ZNF157: variants seen among roughly 807,000 people sequenced by gnomAD.
ZNF157 encodes the protein zinc finger protein 22.
A neutral mutation model predicts 9.4 loss-of-function variants in ZNF157; 8 were observed. The observed-to-expected ratio is 0.85, with a 90% CI of 0.50 to 1.53. The LOEUF is 1.53. Among genes scored for constraint, ZNF157 ranks in the 40% most tolerant of loss-of-function variants. The pLI, the probability that ZNF157 is intolerant of heterozygous loss-of-function variation, is 0.00. For missense variants in ZNF157, 316 were observed against 385.2 expected, an observed-to-expected ratio of 0.82 and a Z score of 1.50; for synonymous variants, 120 against 130.8, an observed-to-expected ratio of 0.92 and a Z score of 0.56.
intron 1 of ZNF157, among the ~76,000 whole-genome samples, chrX:47,379,118 T>A (rs1378739875): frequency 9.0e-6 from 1 of 110,870 alleles, no homozygotes; most frequent in East Asian, 2.8e-4. Context: ...GTACTGTTTT[T>A]TTTTTCTTTC....
chrX:47,374,293 G>C (rs1233350921), intron 1 of ZNF157, among the ~76,000 whole-genome samples: 1 of 110,995 alleles, frequency 9.0e-6, no homozygotes, highest in African/African-American at 3.3e-5. Flanking sequence ...TCTAGTAGGA[G>C]AAACTGTGTT....
intron 1 of ZNF157, among the ~76,000 whole-genome samples, chrX:47,388,498 G>A (rs1201237896): frequency 1.8e-5 from 2 of 108,396 alleles, no homozygotes; most frequent in Admixed American, 2.0e-4. Flanking sequence ...TTTTATTTTT[G>A]TAGAGACAGA....
chrX:47,398,374 G>T (rs2055920080), intron 1 of ZNF157, among the ~76,000 whole-genome samples: 1 of 111,956 alleles, frequency 8.9e-6, no homozygotes, highest in South Asian at 3.7e-4. Context: ...CACTCCTTTT[G>T]CTGTGAAATA....
intron 1 of ZNF157, among the ~76,000 whole-genome samples, chrX:47,379,460 A>G (rs1289080593): frequency 9.8e-6 from 1 of 101,650 alleles, no homozygotes; most frequent in East Asian, 3.1e-4. Context: ...AGCCTTTGTC[A>G]CCCAGGCTGG....
intron 1 of ZNF157, among the ~76,000 whole-genome samples, chrX:47,406,765 A>G (rs2055948526): frequency 8.9e-6 from 1 of 112,623 alleles, no homozygotes; most frequent in African/African-American, 3.2e-5. Context: ...CTACATAGAC[A>G]ATCATATTGT....
intron 1 of ZNF157, among the ~76,000 whole-genome samples, chrX:47,371,104 G>A (rs1321534643): frequency 2.7e-5 from 3 of 111,577 alleles, no homozygotes; most frequent in Admixed American, 9.6e-5. Context: ...TTGGGAGGCC[G>A]AGGCGGGTGG....
chrX:47,412,566 C>A lies in ZNF157; in HGVS notation c.493C>A (p.His165Asn), dbSNP rs2055968556. The A allele has an allele frequency of 2.5e-6, 3 of 1,212,024 alleles. No individual in the cohort carries two copies. Among genetic ancestry groups the A allele is most frequent in the Non-Finnish European group, 3.3e-6 (3 of 895,564 alleles). The change falls in exon 4 of 4, where the codon CAT becomes AAT. Residue 165 changes from histidine to asparagine, a missense_variant. His to Asn is a moderately conservative substitution (Grantham distance 68). Coordinates refer to ENST00000377073, the MANE Select transcript of ZNF157 (RefSeq NM_003446.4). ...TPRGDKNFEC[H>N]ECGKAYCRKS... ...CAGAGGAGATAAAAACTTTGAATGTCATGAATGTGGGAAAGCTTACTGTAG... is the reference window on the plus strand; with the variant it reads ...CAGAGGAGATAAAAACTTTGAATGTAATGAATGTGGGAAAGCTTACTGTAG...
At chrX:47,409,974 A>G (rs771287263) in intron 1 of ZNF157, among the ~76,000 whole-genome samples, 1 of 111,905 alleles carries the variant, frequency 8.9e-6, no homozygotes, top group African/African-American at 3.2e-5. Flanking sequence ...TAACCCAGCA[A>G]CTTGCACACG....
At chrX:47,389,458 T>G (rs1387555240) in intron 1 of ZNF157, among the ~76,000 whole-genome samples, 1 of 110,175 alleles carries the variant, frequency 9.1e-6, no homozygotes, top group Non-Finnish European at 1.9e-5. Context: ...CAAGCAGATC[T>G]TCCCACCTCA....
chrX:47,378,770 G>A (rs766753441), intron 1 of ZNF157, among the ~76,000 whole-genome samples: 12 of 111,164 alleles, frequency 1.1e-4, no homozygotes, highest in African/African-American at 2.3e-4. Flanking sequence ...CCCAGGAAGC[G>A]GAGGTAGCAG....
At chrX:47,389,478 C>T (rs1745029487) in intron 1 of ZNF157, among the ~76,000 whole-genome samples, 1 of 111,155 alleles carries the variant, frequency 9.0e-6, no homozygotes, top group Non-Finnish European at 1.9e-5. Context: ...AGCCTCTCGA[C>T]TAGCTGAGAC....
rs185594581 is a variant in ZNF157, at chrX:47,386,500, G to A, written c.72+15760G>A. On this transcript the variant is annotated intron_variant, in intron 1 of 3. Transcript: ENST00000377073. ...TTTTGAGATGGAGTCTTGCTCTGTC[G>A]TCAGGTTGGAGTGCAGTGGTGCGAT... Among the ~76,000 whole-genome samples, 398 of 110,945 alleles carry A rather than the reference G, an allele frequency of 3.6e-3. 1 individual carries two copies. The highest frequency in any genetic ancestry group is 0.011 in the African/African-American group (349 of 30,584).
chrX:47,406,410 G>A (rs1469035112), intron 1 of ZNF157, among the ~76,000 whole-genome samples: 1 of 109,186 alleles, frequency 9.2e-6, no homozygotes, highest in Non-Finnish European at 1.9e-5. Flanking sequence ...GTCTCACTCT[G>A]TCACCCAGAC....
intron 1 of ZNF157, among the ~76,000 whole-genome samples, chrX:47,392,979 A>T (rs542681358): frequency 4.8e-4 from 53 of 110,467 alleles, no homozygotes; most frequent in Non-Finnish European, 9.1e-4. Context: ...ACATGGTGAA[A>T]CCCCGTCTCT....
At chrX:47,372,082 C>T (rs2055830576) in intron 1 of ZNF157, among the ~76,000 whole-genome samples, 1 of 111,329 alleles carries the variant, frequency 9.0e-6, no homozygotes, top group Non-Finnish European at 1.9e-5. Context: ...TATAATTGGT[C>T]TTTCCTGGCA....
In ZNF157 at chrX:47,411,081, C is replaced by T. The variant is rs181791178; in HGVS notation, c.295+306C>T. The stretch of plus-strand genomic sequence containing the variant: ...TCAGCTCACCACAACCTCCACCTCC[C>T]GGGCTCAAGCGATTCTCCTGCCTCA... On this transcript the variant is annotated intron_variant, in intron 3 of 3. Coordinates refer to ENST00000377073, the MANE Select transcript of ZNF157 (RefSeq NM_003446.4). Among the ~76,000 whole-genome samples, 39 of 109,119 alleles carry T rather than the reference C, an allele frequency of 3.6e-4. No individual in the cohort carries two copies. The East Asian group carries it at 0.011, about 30-fold the overall frequency. The allele number at this position is 109,119 out of a possible 115,157, so 94.8% of individuals were successfully genotyped here.
At chrX:47,398,333 T>C (rs1237594703) in intron 1 of ZNF157, among the ~76,000 whole-genome samples, 3 of 111,472 alleles carry the variant, frequency 2.7e-5, no homozygotes, top group Non-Finnish European at 5.7e-5. Flanking sequence ...TGGTGAGACT[T>C]GTGAATTCCA....
chrX:47,389,892 C>T (rs1287645901), intron 1 of ZNF157: 1 of 111,677 alleles, frequency 9.0e-6, no homozygotes, highest in Non-Finnish European at 1.9e-5. Context: ...CAGAGCGAGA[C>T]CCTGTCTCAA....
At chrX:47,380,932 G>T (rs1266261845) in intron 1 of ZNF157, among the ~76,000 whole-genome samples, 2 of 96,839 alleles carry the variant, frequency 2.1e-5, no homozygotes, top group Non-Finnish European at 4.1e-5. Context: ...GAAAGAGAAG[G>T]AGGAGGAACA....
Sources: gnomAD v4.1 joint callset for allele counts (sites outside exome capture counted in the v4.1 genomes callset) on GRCh38, gnomAD v4.1.1 for gene constraint, MANE v1.5 for transcripts, NCBI Gene and HGNC (gene_info 2026-07-23, HGNC 2026-07-21) for gene names.